The following ZXDC variants were observed in gnomAD, a reference collection of about 807,000 sequenced individuals.
The protein encoded by ZXDC is zinc finger protein ZXDC.
Under a neutral mutation model 63.6 loss-of-function variants are expected in ZXDC, and 58 were observed. The observed-to-expected ratio is 0.91, with a 90% confidence interval of 0.74 to 1.13. The LOEUF (loss-of-function observed/expected upper bound fraction) is 1.13. ZXDC is among the 50% of genes most tolerant of loss of function. The pLI, the probability that ZXDC is intolerant of heterozygous loss-of-function variation, is 0.00. For missense variants in ZXDC, 1,133 were observed against 1,148.9 expected (o/e 0.99, Z 0.20); for synonymous variants, 561 against 496.1 (o/e 1.13, Z -1.74).
intron 1 of ZXDC, among the ~76,000 whole-genome samples, chr3:126,474,184 C>T (rs1363856672): frequency 6.6e-6 from 1 of 151,956 alleles, no homozygotes; most frequent in African/African-American, 2.4e-5. Flanking sequence ...CCTGCCTCAG[C>T]CTCCCGAGTA....
chr3:126,441,301 C>T, intron 8 of ZXDC: 1 of 993,402 alleles, frequency 1.0e-6, no homozygotes. Flanking sequence ...AGACCCCCAC[C>T]ACCTTCAGCA....
intron 7 of ZXDC, chr3:126,454,866 A>G: frequency 1.0e-6 from 1 of 985,450 alleles, no homozygotes; most frequent in South Asian, 4.7e-5. Flanking sequence ...TAAGGGGAGA[A>G]TCTCAATACT....
intron 8 of ZXDC, chr3:126,440,295 C>A: frequency 5.1e-6 from 5 of 988,746 alleles, no homozygotes; most frequent in Non-Finnish European, 6.0e-6. Flanking sequence ...ATTCACACCC[C>A]GAAGCGGAGC....
In ZXDC at chr3:126,452,035, T is replaced by A. The variant is rs1404914086; in HGVS notation, c.2212+7618A>T. ...TTTATTCTGTATGGAATTCTAATAT[T>A]TTTTTTTCCCTAAAAGGCCAGCATT... On this transcript the variant is annotated intron_variant, in intron 7 of 9. Transcript: ENST00000389709. 3.1e-6 allele frequency: 3 copies of A among 980,684 alleles called. No homozygotes were observed. In the African/African-American group the frequency reaches 5.3e-5, roughly 17 times the overall value. 60.7% of individuals were successfully genotyped at this position (980,684 alleles called of 1,614,324 possible).
intron 5 of ZXDC, among the ~76,000 whole-genome samples, chr3:126,465,837 G>A (rs1447146199): frequency 2.6e-5 from 4 of 152,186 alleles, no homozygotes; most frequent in African/African-American, 9.7e-5. Context: ...TGTGGGCTCA[G>A]CTACTCTGGA....
At chr3:126,461,058 G>C in intron 6 of ZXDC, 1 of 984,906 alleles carries the variant, frequency 1.0e-6, no homozygotes, top group Non-Finnish European at 1.2e-6. Context: ...AATCCTCCAA[G>C]AACTAAGGCT....
intron 1 of ZXDC, among the ~76,000 whole-genome samples, chr3:126,473,228 C>T (rs1935043908): frequency 6.6e-6 from 1 of 152,124 alleles, no homozygotes; most frequent in Admixed American, 6.5e-5. Context: ...TAAATCTGAA[C>T]ACAGACTCTC....
intron 1 of ZXDC, among the ~76,000 whole-genome samples, chr3:126,474,240 A>G (rs1202323970): frequency 6.6e-6 from 1 of 151,856 alleles, no homozygotes; most frequent in African/African-American, 2.4e-5. Context: ...AATTTTTTGT[A>G]GTTTTAATAG....
chr3:126,460,481 G>A (rs1225126755), intron 6 of ZXDC: 4 of 985,264 alleles, frequency 4.1e-6, no homozygotes, highest in Non-Finnish European at 4.8e-6. Flanking sequence ...AGGTCTTGCT[G>A]GCTTCTCTAC....
At position 126,475,592 on chromosome 3, in the gene ZXDC, C is replaced by A; in HGVS notation, c.274G>T (p.Gly92Ter). The change falls in exon 1 of 10, where the codon GGA (glycine) becomes TGA (stop). Residue 92 changes from glycine to a stop codon, truncating the protein, a stop_gained. Transcript: ENST00000389709. LOFTEE classifies it high-confidence loss of function. ...GAGCCAGGCTCGGCCTCCTGTGATC[C>A]GGCAGCCTCGGCGGCAGCGCCGCCG... Reference protein sequence around the residue: ...PHGGAAAEAAGSQEAEPGSRV... With the variant: ...PHGGAAAEAA 2 of 1,465,830 alleles carry A rather than the reference C, an allele frequency of 1.4e-6. No individual in the cohort carries two copies. Among genetic ancestry groups the A allele is most frequent in the Non-Finnish European group, 1.8e-6 (2 of 1,106,304 alleles). 90.8% of individuals were successfully genotyped at this position (1,465,830 alleles called of 1,614,324 possible). A position where few individuals can be genotyped will look rare whatever the true frequency, so the allele number is the denominator to read the frequency against.
At chr3:126,466,087 C>T (rs1259846395) in intron 5 of ZXDC, 68 bp downstream of exon 5, 92 of 1,525,926 alleles carry the variant, frequency 6.0e-5, no homozygotes, top group East Asian at 3.0e-4. Flanking sequence ...AAGGAACAGA[C>T]GGCACTGGCA....
intron 1 of ZXDC, 21 bp downstream of exon 1, chr3:126,474,938 C>T (rs1335327917): frequency 5.2e-6 from 8 of 1,546,520 alleles, no homozygotes; most frequent in Non-Finnish European, 6.1e-6. Flanking sequence ...GCAGCCCGCC[C>T]GCCCCCGAGA....
intron 8 of ZXDC, chr3:126,441,546 A>C: frequency 7.6e-7 from 1 of 1,312,408 alleles, no homozygotes. Context: ...TCCCAGCAAC[A>C]CTCAGAGCTT....
intron 4 of ZXDC, 109 bp downstream of exon 4, chr3:126,470,786 G>C (rs1934951144): frequency 6.9e-7 from 1 of 1,451,372 alleles, no homozygotes; most frequent in African/African-American, 1.4e-5. Flanking sequence ...AACTTATATT[G>C]AGTCAGTCTT....
intron 4 of ZXDC, among the ~76,000 whole-genome samples, chr3:126,470,292 C>T (rs962219395): frequency 6.6e-6 from 1 of 152,090 alleles, no homozygotes; most frequent in African/African-American, 2.4e-5. Context: ...CATGGTGAAA[C>T]CCTGTCTCTA....
In ZXDC at chr3:126,475,485, G is replaced by A. The variant is rs1044985068; in HGVS notation, c.381C>T (p.Gly127=). 10 of 1,215,916 alleles carry A rather than the reference G, an allele frequency of 8.2e-6. No homozygotes were observed. The highest frequency in any genetic ancestry group is 1.0e-5 in the Non-Finnish European group (10 of 979,910). The allele number at this position is 1,215,916 out of a possible 1,614,324, so 75.3% of individuals were successfully genotyped here. ...GGTCCTGGCTGCTGATGGTGACGGCGCCCGCCGGGGCTACGCCAGGGCCGG... is the reference window on the plus strand; with the variant it reads ...GGTCCTGGCTGCTGATGGTGACGGCACCCGCCGGGGCTACGCCAGGGCCGG... ...APPGPGVAPA[G]AVTISSQDLL... Residue 127 remains glycine (G), a synonymous_variant, in exon 1 of 10, where the codon GGC becomes GGT. Coordinates refer to ENST00000389709, the MANE Select transcript of ZXDC (RefSeq NM_025112.5).
Position 126,454,843 on chromosome 3 carries a change from T to C in ZXDC, c.2212+4810A>G, listed in dbSNP as rs987839472. The C allele has an allele frequency of 2.0e-5, 20 of 984,586 alleles. No homozygotes were observed. The African/African-American group carries it at 2.8e-4, about 14-fold the overall frequency. 61.0% of individuals were successfully genotyped at this position (984,586 alleles called of 1,614,324 possible). On this transcript the variant is annotated intron_variant, in intron 7 of 9. Transcript: ENST00000389709. Reference sequence around the variant, plus strand: ...GACATTTTTACACTGAGAGAAAAATTCTTGTTTTATTCTAAGGGGAGAATC... The same window carrying C: ...GACATTTTTACACTGAGAGAAAAATCCTTGTTTTATTCTAAGGGGAGAATC...
chr3:126,439,866 A>AC, intron 8 of ZXDC, 139 bp from the exon 9 acceptor site: 1 of 1,438,936 alleles, frequency 6.9e-7, no homozygotes. Flanking sequence ...AGGCCCGAGG[A>AC]CCCAGCAGGA....
rs190412083 is a variant in ZXDC at position 126,463,304 on chromosome 3, C to T, written c.1442-1084G>A. On this transcript the variant is annotated intron_variant, in intron 5 of 9. Transcript: ENST00000389709. ...CAGGATGGTCTCGATCTCCTGACCT[C>T]GTGATCGGCCCGCCTGGGCCTCCCA... Among the ~76,000 whole-genome samples the T allele has an allele frequency of 3.5e-3, 539 of 152,242 alleles. 5 individuals carry two copies. Among genetic ancestry groups the T allele is most frequent in the African/African-American group, 0.012 (512 of 41,536 alleles).
Sources: gnomAD v4.1 joint callset for allele counts (sites outside exome capture counted in the v4.1 genomes callset) on GRCh38, gnomAD v4.1.1 for gene constraint, MANE v1.5 for transcripts, NCBI Gene and HGNC (gene_info 2026-07-23, HGNC 2026-07-21) for gene names.